METTL2A: variants seen among roughly 807,000 people sequenced by gnomAD.
METTL2A encodes methyltransferase 2A, tRNA N3-cytidine, also known as tRNA N(3)-cytidine methyltransferase METTL2A.
A neutral mutation model predicts 49.4 loss-of-function variants in METTL2A; 45 were observed. The ratio of observed to expected loss-of-function variants is 0.91; its 90% confidence interval spans 0.72 to 1.17. The LOEUF is 1.17. Among genes scored for constraint, METTL2A ranks in the 50% most tolerant of loss-of-function variants. The pLI, the probability that METTL2A is intolerant of heterozygous loss-of-function variation, is 0.00. For synonymous variants in METTL2A, 118 were observed against 167.5 expected, an observed-to-expected ratio of 0.70 and a Z score of 2.28; for missense variants, 361 against 462.2, an observed-to-expected ratio of 0.78 and a Z score of 2.01.
At chr17:62,429,967 G>A (rs1010627502) in intron 4 of METTL2A, among the ~76,000 whole-genome samples, 32 of 152,284 alleles carry the variant, frequency 2.1e-4, no homozygotes, top group African/African-American at 1.2e-4. Context: ...CATGGCTCCC[G>A]GCCCTATAGC....
At chr17:62,440,476 C>T in intron 5 of METTL2A, 141 bp from the exon 6 acceptor site, 1 of 1,231,322 alleles carries the variant, frequency 8.1e-7, no homozygotes, top group Non-Finnish European at 1.1e-6. Context: ...GGAGATTTTG[C>T]CTCAAGAAAA....
chr17:62,441,077 A>G (rs2070736149), intron 6 of METTL2A, among the ~76,000 whole-genome samples: 1 of 152,198 alleles, frequency 6.6e-6, no homozygotes, highest in Non-Finnish European at 1.5e-5. Context: ...AAGTGCTGGG[A>G]TTATAGGTGT....
intron 4 of METTL2A, among the ~76,000 whole-genome samples, chr17:62,433,138 TAAAGA>T (rs377100065): frequency 8.6e-5 from 13 of 150,536 alleles, no homozygotes; most frequent in African/African-American, 3.0e-4. Context: ...GTAGAAAACT[TAAAGA>T]AAAGCACAGG....
chr17:62,425,222 A>T (rs908996830), intron 2 of METTL2A, among the ~76,000 whole-genome samples: 1 of 151,446 alleles, frequency 6.6e-6, no homozygotes, highest in Non-Finnish European at 1.5e-5. Context: ...TTGTTAACAC[A>T]CTTCTTAGTG....
chr17:62,447,602 C>G (rs763628279), intron 7 of METTL2A, 99 bp from the exon 8 acceptor site: 138 of 1,335,074 alleles, frequency 1.0e-4, no homozygotes, highest in Non-Finnish European at 1.4e-4. Context: ...CAGGAGTGCT[C>G]TCCACCCAAC....
Position 62,440,584 on chromosome 17 carries a change from T to C in METTL2A, c.670-33T>C, listed in dbSNP as rs755157287. On this transcript the variant is annotated intron_variant, in intron 5 of 8. Transcript: ENST00000311506. ...TTTTCTTTAGGCTATGTTAATATTT[T>C]CTAACTTACCTGTGTCTTCCATCTG... 148 of 1,589,876 alleles carry C rather than the reference T, an allele frequency of 9.3e-5. 1 individual carries two copies. In the South Asian group the frequency reaches 1.6e-3, roughly 17 times the overall value.
intron 5 of METTL2A, among the ~76,000 whole-genome samples, chr17:62,440,232 T>G (rs1167111667): frequency 6.6e-6 from 1 of 152,006 alleles, no homozygotes. Context: ...TCCATGTTGG[T>G]CAGGCTGGCC....
chr17:62,428,175 C>T (rs2070641247), intron 4 of METTL2A, among the ~76,000 whole-genome samples: 1 of 151,828 alleles, frequency 6.6e-6, no homozygotes, highest in East Asian at 1.9e-4. Context: ...TTAGCGCCTT[C>T]TTCTTCTTCT....
At chr17:62,429,471 A>G (rs1351258726) in intron 4 of METTL2A, among the ~76,000 whole-genome samples, 1 of 151,644 alleles carries the variant, frequency 6.6e-6, no homozygotes, top group Non-Finnish European at 1.5e-5. Context: ...TTATATTTTT[A>G]GTAGAGACAG....
intron 7 of METTL2A, 69 bp from the exon 8 acceptor site, chr17:62,447,632 C>A: frequency 1.9e-6 from 3 of 1,574,924 alleles, no homozygotes; most frequent in Middle Eastern, 1.7e-4. Flanking sequence ...TCCCAGTTAA[C>A]ATTCCTTAGC....
At chr17:62,428,722 A>C (rs1023652919) in intron 4 of METTL2A, among the ~76,000 whole-genome samples, 24 of 152,258 alleles carry the variant, frequency 1.6e-4, no homozygotes, top group Admixed American at 5.2e-4. Context: ...TTTGACCCTG[A>C]GGAGCTCAGT....
At chr17:62,434,567 G>T (rs1272448199) in intron 4 of METTL2A, among the ~76,000 whole-genome samples, 1 of 152,168 alleles carries the variant, frequency 6.6e-6, no homozygotes, top group Non-Finnish European at 1.5e-5. Context: ...TTTGTATTTT[G>T]ATGTCTTCAG....
chr17:62,448,574 G>A lies in METTL2A; in HGVS notation c.983-1G>A. 1 of 1,613,768 alleles carries A rather than the reference G, an allele frequency of 6.2e-7. No individual in the cohort carries two copies. The highest frequency in any genetic ancestry group is 8.5e-7 in the Non-Finnish European group (1 of 1,179,888). On this transcript the variant is annotated splice_acceptor_variant, in intron 8 of 8. Transcript: ENST00000311506. LOFTEE classifies it high-confidence loss of function. ...TAAACATCTTTTATTTTCCACACTA[G>A]AGGAACTGGACACGCTTTTCACCAC... is the stretch of plus-strand genomic sequence containing the variant.
At chr17:62,440,348 G>T (rs1376147984) in intron 5 of METTL2A, among the ~76,000 whole-genome samples, 1 of 151,990 alleles carries the variant, frequency 6.6e-6, no homozygotes, top group Non-Finnish European at 1.5e-5. Context: ...AGCAAAAACC[G>T]CAATTACTTT....
chr17:62,433,071 C>A (rs1033253647), intron 4 of METTL2A, among the ~76,000 whole-genome samples: 9 of 152,136 alleles, frequency 5.9e-5, no homozygotes, highest in African/African-American at 1.9e-4. Context: ...AAATGCTACA[C>A]CCGACACCAT....
chr17:62,436,352 G>C (rs918498549), intron 5 of METTL2A, among the ~76,000 whole-genome samples: 8 of 152,090 alleles, frequency 5.3e-5, no homozygotes, highest in African/African-American at 1.7e-4. Context: ...TTCAAGACTG[G>C]CCTAGGCAAC....
At chr17:62,430,398 C>T (rs1203499055) in intron 4 of METTL2A, among the ~76,000 whole-genome samples, 1 of 152,126 alleles carries the variant, frequency 6.6e-6, no homozygotes, top group South Asian at 2.1e-4. Flanking sequence ...TTGCTAGAAC[C>T]CACTTGTTCA....
rs148839698 is a variant in METTL2A, at chr17:62,449,438, C to T, written c.*709C>T. 8,393 of 450,590 alleles carry T rather than the reference C, an allele frequency of 0.019. 108 individuals are homozygous for T. Among genetic ancestry groups the T allele is most frequent in the Middle Eastern group, 0.039 (56 of 1,436 alleles). 27.9% of individuals were successfully genotyped at this position (450,590 alleles called of 1,614,324 possible). A position where few individuals can be genotyped will look rare whatever the true frequency, so the allele number is the denominator to read the frequency against. ...GCTTTAATCTTAGTTCCGCCAGGCA[C>T]GGTGGCTCACACCTGTAATCCCAGC... On this transcript the variant is annotated 3_prime_UTR_variant, in exon 9 of 9. Coordinates refer to ENST00000311506, the MANE Select transcript of METTL2A (RefSeq NM_181725.4).
In METTL2A at chr17:62,449,352, A is replaced by G. The variant is rs559967745; in HGVS notation, c.*623A>G. On this transcript the variant is annotated 3_prime_UTR_variant, in exon 9 of 9. Transcript: ENST00000311506. ...ATCAGATATTTTCCTGACAAAAAAA[A>G]ATGACCCTACAGAGAGCATCAAAAT... 1 of 435,072 alleles carries G rather than the reference A, an allele frequency of 2.3e-6. No individual in the cohort carries two copies. Among genetic ancestry groups the G allele is most frequent in the South Asian group, 1.6e-5 (1 of 61,122 alleles). The allele number at this position is 435,072 out of a possible 1,614,324, so 27.0% of individuals were successfully genotyped here.
Sources: allele counts gnomAD v4.1 joint callset (sites outside exome capture counted in the v4.1 genomes callset), GRCh38; gene constraint gnomAD v4.1.1; transcripts MANE v1.5; gene names NCBI Gene and HGNC (gene_info 2026-07-23, HGNC 2026-07-21).